The following SH3GL2 variants were observed in gnomAD, a reference collection of about 807,000 sequenced individuals.
The protein encoded by SH3GL2 is SH3 domain containing GRB2 like 2, endophilin A1.
In SH3GL2, 24 loss-of-function variants were observed where a neutral mutation model predicts 46.0. The ratio of observed to expected loss-of-function variants is 0.52; its 90% confidence interval spans 0.38 to 0.73. SH3GL2 has a LOEUF of 0.73. SH3GL2 is among the 30% of genes least tolerant of loss of function. SH3GL2 has a pLI of 0.00. For synonymous variants in SH3GL2, 196 were observed against 147.1 expected, an observed-to-expected ratio of 1.33 and a Z score of -2.40; for missense variants, 413 against 424.2, an observed-to-expected ratio of 0.97 and a Z score of 0.23.
chr9:17,729,644 G>A (rs1440680817), intron 1 of SH3GL2, among the ~76,000 whole-genome samples: 1 of 152,172 alleles, frequency 6.6e-6, no homozygotes, highest in Non-Finnish European at 1.5e-5. Context: ...TGTATAAGGT[G>A]TAAGGAAGGG....
chr9:17,621,052 T>C (rs775605348), intron 1 of SH3GL2, among the ~76,000 whole-genome samples: 2 of 152,246 alleles, frequency 1.3e-5, no homozygotes, highest in Non-Finnish European at 2.9e-5. Flanking sequence ...AGTTGATTGC[T>C]GTGGTTTTCG....
At chr9:17,613,866 GCTGA>G (rs1312750150) in intron 1 of SH3GL2, among the ~76,000 whole-genome samples, 1 of 152,088 alleles carries the variant, frequency 6.6e-6, no homozygotes, top group Admixed American at 6.5e-5. Flanking sequence ...TTCCCTCCTG[GCTGA>G]CTAAGCTCAT....
intron 1 of SH3GL2, among the ~76,000 whole-genome samples, chr9:17,621,017 C>T (rs745920046): frequency 2.0e-5 from 3 of 152,090 alleles, no homozygotes; most frequent in African/African-American, 2.4e-5. Context: ...AGTTTTCCAG[C>T]GTTTAAAGAT....
intron 1 of SH3GL2, among the ~76,000 whole-genome samples, chr9:17,670,223 A>G (rs1275221699): frequency 2.6e-5 from 4 of 152,140 alleles, no homozygotes; most frequent in Non-Finnish European, 4.4e-5. Flanking sequence ...CTTTCTGTCC[A>G]TGCAACTGCT....
At chr9:17,723,394 A>G (rs1303289814) in intron 1 of SH3GL2, among the ~76,000 whole-genome samples, 2 of 152,150 alleles carry the variant, frequency 1.3e-5, no homozygotes, top group Non-Finnish European at 2.9e-5. Context: ...GTACATGTTT[A>G]TGAGCTGTTA....
chr9:17,604,475 T>C (rs1246371321), intron 1 of SH3GL2, among the ~76,000 whole-genome samples: 1 of 152,232 alleles, frequency 6.6e-6, no homozygotes, highest in Admixed American at 6.5e-5. Context: ...GTTATTGCTG[T>C]TGTTACTGGC....
At chr9:17,683,329 A>T (rs1464339381) in intron 1 of SH3GL2, among the ~76,000 whole-genome samples, 2 of 152,068 alleles carry the variant, frequency 1.3e-5, no homozygotes, top group Non-Finnish European at 2.9e-5. Context: ...GGAGGCAAGC[A>T]GCAACCACTG....
chr9:17,623,317 T>C (rs9407818), intron 1 of SH3GL2, among the ~76,000 whole-genome samples: 31,515 of 151,840 alleles, frequency 0.21, 3,603 homozygotes, highest in Non-Finnish European at 0.26. Flanking sequence ...GGAAGCTAGC[T>C]GGCGAGGTTC....
intron 1 of SH3GL2, among the ~76,000 whole-genome samples, chr9:17,743,419 A>G (rs565766106): frequency 4.6e-5 from 7 of 152,254 alleles, no homozygotes; most frequent in African/African-American, 1.4e-4. Context: ...TGCTAATAAC[A>G]TCATTCGCTA....
chr9:17,657,147 CT>C (rs1293644023), intron 1 of SH3GL2, among the ~76,000 whole-genome samples: 1 of 152,188 alleles, frequency 6.6e-6, no homozygotes, highest in Non-Finnish European at 1.5e-5. Context: ...TGAATTACTT[CT>C]TCAGTTTAAC....
chr9:17,789,616 C>G (rs754867510), intron 6 of SH3GL2, 66 bp downstream of exon 6: 2 of 1,596,254 alleles, frequency 1.3e-6, no homozygotes, highest in Non-Finnish European at 1.7e-6. Context: ...ATGTTAAAGG[C>G]CATAACCCTT....
At chr9:17,746,117 C>T (rs959656204) in intron 1 of SH3GL2, among the ~76,000 whole-genome samples, 7 of 152,176 alleles carry the variant, frequency 4.6e-5, no homozygotes, top group Admixed American at 3.9e-4. Flanking sequence ...CGCTGTCGCC[C>T]AGGCTGGAGT....
chr9:17,738,544 AAGTG>A (rs1428470614), intron 1 of SH3GL2, among the ~76,000 whole-genome samples: 19 of 77,238 alleles, frequency 2.5e-4, no homozygotes, highest in African/African-American at 6.9e-4. Flanking sequence ...ATATATACAT[AAGTG>A]TGTGTGTATA....
At chr9:17,632,115 G>A (rs1348542919) in intron 1 of SH3GL2, among the ~76,000 whole-genome samples, 2 of 152,028 alleles carry the variant, frequency 1.3e-5, no homozygotes, top group Non-Finnish European at 2.9e-5. Context: ...AATAATTAGT[G>A]TTAGTGTAAC....
chr9:17,697,077 C>T (rs1378536152), intron 1 of SH3GL2, among the ~76,000 whole-genome samples: 1 of 152,142 alleles, frequency 6.6e-6, no homozygotes, highest in Non-Finnish European at 1.5e-5. Flanking sequence ...AGCTCCCTCA[C>T]ACCACAGGGT....
chr9:17,772,799 G>A (rs1038577441), intron 3 of SH3GL2, among the ~76,000 whole-genome samples: 1 of 152,104 alleles, frequency 6.6e-6, no homozygotes, highest in Admixed American at 6.6e-5. Context: ...ATGCTTCTAT[G>A]ACCATGAGTA....
chr9:17,585,588 C>CT (rs955657063), intron 1 of SH3GL2, among the ~76,000 whole-genome samples: 2 of 152,124 alleles, frequency 1.3e-5, no homozygotes, highest in Non-Finnish European at 2.9e-5. Context: ...GGTGACAGCT[C>CT]TGAGAGCAGG....
intron 1 of SH3GL2, among the ~76,000 whole-genome samples, chr9:17,627,572 T>A (rs1042404330): frequency 4.6e-5 from 7 of 152,204 alleles, no homozygotes; most frequent in African/African-American, 1.7e-4. Context: ...TAATGTCACA[T>A]TGGCATGAAA....
At chr9:17,639,470 A>G (rs983656986) in intron 1 of SH3GL2, among the ~76,000 whole-genome samples, 1 of 152,232 alleles carries the variant, frequency 6.6e-6, no homozygotes, top group African/African-American at 2.4e-5. Flanking sequence ...TATTAAAGCC[A>G]CAATGCGATA....
Sources: allele counts gnomAD v4.1 joint callset (sites outside exome capture counted in the v4.1 genomes callset), GRCh38; gene constraint gnomAD v4.1.1; transcripts MANE v1.5; gene names NCBI Gene and HGNC (gene_info 2026-07-23, HGNC 2026-07-21).